FAF1: variants seen among roughly 807,000 people sequenced by gnomAD.
FAF1 encodes FAS-associated factor 1.
In FAF1, 25 loss-of-function variants were observed where a neutral mutation model predicts 92.5. The observed-to-expected ratio is 0.27, with a 90% CI of 0.20 to 0.38. The LOEUF (loss-of-function observed/expected upper bound fraction) is 0.38. FAF1 is among the 10% of genes least tolerant of loss of function. The pLI is 1.00. For synonymous variants in FAF1, 234 were observed against 273.2 expected (o/e 0.86, Z 1.42); for missense variants, 636 against 793.3 (o/e 0.80, Z 2.38).
intron 7 of FAF1, among the ~76,000 whole-genome samples, chr1:50,671,066 C>A (rs895933371): frequency 6.6e-6 from 1 of 151,840 alleles, no homozygotes; most frequent in African/African-American, 2.4e-5. Context: ...AAATAATGGG[C>A]TATATTTATA....
At chr1:50,766,035 T>C (rs1660556866) in intron 4 of FAF1, among the ~76,000 whole-genome samples, 1 of 151,958 alleles carries the variant, frequency 6.6e-6, no homozygotes, top group South Asian at 2.1e-4. Flanking sequence ...CAGGGTGCAG[T>C]GAGCCGAGAT....
intron 1 of FAF1, among the ~76,000 whole-genome samples, chr1:50,945,062 C>G (rs944444370): frequency 6.6e-6 from 1 of 152,156 alleles, no homozygotes; most frequent in Non-Finnish European, 1.5e-5. Context: ...TTTGAAGAAG[C>G]TGTTCCAATA....
chr1:50,868,494 TAGAGCA>T (rs1413013614), intron 1 of FAF1, among the ~76,000 whole-genome samples: 1 of 152,180 alleles, frequency 6.6e-6, no homozygotes, highest in Non-Finnish European at 1.5e-5. Context: ...GGTGGAAGTA[TAGAGCA>T]ATGATTTTAA....
intron 8 of FAF1, among the ~76,000 whole-genome samples, chr1:50,630,826 A>ATTTTTTTTTTTTTTT (rs1471050080): frequency 1.6e-5 from 2 of 125,336 alleles, no homozygotes; most frequent in Non-Finnish European, 1.7e-5. Context: ...AGTGTATCAT[A>ATTTTTTTTTTTTTTT]TCTTTTTTTT....
intron 7 of FAF1, among the ~76,000 whole-genome samples, chr1:50,690,188 G>A (rs375890421): frequency 1.6e-4 from 24 of 151,924 alleles, no homozygotes; most frequent in Admixed American, 3.9e-4. Context: ...GGGTTTCAGC[G>A]TTAGCCAGGC....
intron 8 of FAF1, among the ~76,000 whole-genome samples, chr1:50,640,452 C>T (rs963178163): frequency 6.6e-6 from 1 of 151,970 alleles, no homozygotes. Flanking sequence ...ACCACCATAC[C>T]CAGCTACTTT....
chr1:50,932,496 T>G (rs1055028620), intron 1 of FAF1, among the ~76,000 whole-genome samples: 2 of 152,232 alleles, frequency 1.3e-5, no homozygotes, highest in Non-Finnish European at 2.9e-5. Context: ...AGGTCTCACA[T>G]TCAGGTCACA....
At chr1:50,658,270 T>C (rs1037331856) in intron 7 of FAF1, among the ~76,000 whole-genome samples, 10 of 151,998 alleles carry the variant, frequency 6.6e-5, no homozygotes, top group Admixed American at 6.6e-5. Flanking sequence ...GTTATCTAGA[T>C]ATAACCAACC....
Position 50,677,635 on chromosome 1 carries a change from C to T in FAF1, c.658-22107G>A, listed in dbSNP as rs569086019. ...TGGGGCTGGACACGGTGGCTGACGC[C>T]TGTAATCCCAGCACTTTGGGAGGCC... On this transcript the variant is annotated intron_variant, in intron 7 of 18. Transcript: ENST00000396153. Among the ~76,000 whole-genome samples, 14 of 152,210 alleles carry T rather than the reference C, an allele frequency of 9.2e-5. No individual in the cohort carries two copies. The South Asian group carries it at 1.9e-3, about 20-fold the overall frequency.
chr1:50,473,497 A>C (rs375722133), intron 18 of FAF1, among the ~76,000 whole-genome samples: 1 of 152,214 alleles, frequency 6.6e-6, no homozygotes, highest in African/African-American at 2.4e-5. Flanking sequence ...TTTTCATCAC[A>C]GAACATAAAG....
intron 13 of FAF1, among the ~76,000 whole-genome samples, chr1:50,551,909 G>C (rs887986868): frequency 6.6e-6 from 1 of 152,072 alleles, no homozygotes; most frequent in African/African-American, 2.4e-5. Flanking sequence ...TAAATGCACT[G>C]AGCACTTACT....
intron 7 of FAF1, among the ~76,000 whole-genome samples, chr1:50,657,687 T>C (rs1223037218): frequency 6.6e-6 from 1 of 152,236 alleles, no homozygotes; most frequent in South Asian, 2.1e-4. Flanking sequence ...GTTTTCACAT[T>C]ACCCTTTCTT....
chr1:50,561,551 G>A (rs1649900281), intron 13 of FAF1, among the ~76,000 whole-genome samples: 2 of 152,134 alleles, frequency 1.3e-5, no homozygotes, highest in Admixed American at 1.3e-4. Context: ...GTTGTGGCCG[G>A]GCGCAGGGGC....
chr1:50,735,029 AAAG>A (rs1659084098), intron 6 of FAF1, among the ~76,000 whole-genome samples: 1 of 152,222 alleles, frequency 6.6e-6, no homozygotes, highest in Non-Finnish European at 1.5e-5. Flanking sequence ...AAGCAATCAA[AAAG>A]AACACCAGGA....
intron 18 of FAF1, among the ~76,000 whole-genome samples, chr1:50,446,960 C>T (rs1646233822): frequency 7.5e-6 from 1 of 133,512 alleles, no homozygotes; most frequent in South Asian, 2.3e-4. Context: ...AACCAGAACC[C>T]AGGCCTTCTG....
intron 7 of FAF1, among the ~76,000 whole-genome samples, chr1:50,668,097 A>T (rs559822098): frequency 6.6e-6 from 1 of 152,376 alleles, no homozygotes; most frequent in South Asian, 2.1e-4. Flanking sequence ...AATGCAAAAA[A>T]CAAAGACAAC....
At chr1:50,822,837 C>T (rs563678956) in intron 2 of FAF1, among the ~76,000 whole-genome samples, 3 of 146,960 alleles carry the variant, frequency 2.0e-5, no homozygotes, top group South Asian at 2.2e-4. Flanking sequence ...TGCAATGGCA[C>T]GATCTCAGCT....
chr1:50,947,945 A>G (rs184423203), intron 1 of FAF1, among the ~76,000 whole-genome samples: 7 of 152,368 alleles, frequency 4.6e-5, no homozygotes, highest in Admixed American at 3.9e-4. Context: ...CTTTTACTAG[A>G]TACTGTAGGA....
chr1:50,836,388 T>C (rs1010377771), intron 2 of FAF1, among the ~76,000 whole-genome samples: 2 of 152,004 alleles, frequency 1.3e-5, no homozygotes, highest in Non-Finnish European at 2.9e-5. Flanking sequence ...ATTATTAAAC[T>C]GTAGGAAACA....
Sources: allele counts gnomAD v4.1 joint callset (sites outside exome capture counted in the v4.1 genomes callset), GRCh38; gene constraint gnomAD v4.1.1; transcripts MANE v1.5; gene names NCBI Gene and HGNC (gene_info 2026-07-23, HGNC 2026-07-21).